Variants in CDKL1 observed in about 807,000 individuals in gnomAD.
CDKL1 encodes cyclin-dependent kinase-like 1.
CDKL1 carries 41 observed loss-of-function variants against 42.0 expected under a neutral mutation model. The observed-to-expected ratio is 0.98, with a 90% CI of 0.76 to 1.27. CDKL1 has a LOEUF of 1.27. Ranked by LOEUF, CDKL1 falls within the 50% of genes most tolerant of loss-of-function variation. The pLI is 0.00. For missense variants in CDKL1, 394 were observed against 428.4 expected (o/e 0.92, Z 0.71); for synonymous variants, 153 against 158.6 (o/e 0.96, Z 0.26).
At chr14:50,349,749 T>C (rs2033840721) in intron 3 of CDKL1, among the ~76,000 whole-genome samples, 1 of 151,780 alleles carries the variant, frequency 6.6e-6, no homozygotes, top group South Asian at 2.1e-4. Context: ...CTTTTTGTTG[T>C]TGTTGTTGTT....
intron 2 of CDKL1, among the ~76,000 whole-genome samples, chr14:50,369,283 G>A (rs2034521050): frequency 6.6e-6 from 1 of 152,090 alleles, no homozygotes; most frequent in South Asian, 2.1e-4. Flanking sequence ...AGCTAGGGCT[G>A]AGAGCAGCTG....
Position 50,341,158 on chromosome 14 carries a change from T to C in CDKL1, c.529A>G (p.Thr177Ala). Residue 177 changes from threonine (T) to alanine (A), a missense_variant, in exon 6 of 10, where the codon ACG becomes GCG. Thr to Ala is a moderately conservative substitution (Grantham distance 58). Transcript: ENST00000395834. ...ACATCCACCGGGGGGCCGTACTGCGTGTCCCCCACCAGCAGCTCAGGGGAG... is the reference window on the plus strand; with the variant it reads ...ACATCCACCGGGGGGCCGTACTGCGCGTCCCCCACCAGCAGCTCAGGGGAG... Reference protein sequence around the residue: ...YRSPELLVGDTQYGPPVDVWA... With the variant: ...YRSPELLVGDAQYGPPVDVWA... The C allele has an allele frequency of 6.2e-7, 1 of 1,614,204 alleles. No individual in the cohort carries two copies. The highest frequency in any genetic ancestry group is 8.5e-7 in the Non-Finnish European group (1 of 1,180,042).
Position 50,387,936 on chromosome 14 carries a change from G to T in CDKL1, c.168+7765C>A, listed in dbSNP as rs576334216. ...TTTTGAGACAGAGTCTTGCCCTGTC[G>T]CCCAGGCTGGAGCACAATGGCTCTA... On this transcript the variant is annotated intron_variant, in intron 2 of 9. Transcript: ENST00000395834. Among the ~76,000 whole-genome samples the T allele has an allele frequency of 5.3e-5, 8 of 152,190 alleles. No individual in the cohort carries two copies. In the East Asian group the frequency reaches 1.5e-3, roughly 29 times the overall value.
At chr14:50,337,685 T>C (rs2033354368) in intron 7 of CDKL1, among the ~76,000 whole-genome samples, 1 of 149,952 alleles carries the variant, frequency 6.7e-6, no homozygotes, top group Non-Finnish European at 1.5e-5. Context: ...TTCTTTCTTT[T>C]TTTTTTTTTT....
intron 7 of CDKL1, 200 bp from the exon 8 acceptor site, chr14:50,334,821 A>G: frequency 3.8e-6 from 2 of 530,590 alleles, no homozygotes; most frequent in South Asian, 5.1e-5. Context: ...CGCTTTTCCA[A>G]ATTTGCTTCG....
chr14:50,383,456 A>G (rs1022668568), intron 2 of CDKL1, among the ~76,000 whole-genome samples: 23 of 151,588 alleles, frequency 1.5e-4, no homozygotes, highest in Non-Finnish European at 3.2e-4. Flanking sequence ...AGGCTGAGAC[A>G]GGAGAATCGC....
chr14:50,357,888 G>C (rs984571759), intron 3 of CDKL1: 1 of 419,936 alleles, frequency 2.4e-6, no homozygotes, highest in Non-Finnish European at 4.5e-6. Context: ...ACCATATAAG[G>C]GAAGCTTATT....
At chr14:50,353,101 A>G (rs2033952382) in intron 3 of CDKL1, among the ~76,000 whole-genome samples, 1 of 152,222 alleles carries the variant, frequency 6.6e-6, no homozygotes, top group African/African-American at 2.4e-5. Flanking sequence ...CATTCTGTCT[A>G]AGGTTGCTTT....
intron 2 of CDKL1, among the ~76,000 whole-genome samples, chr14:50,392,049 G>A (rs928626232): frequency 4.6e-5 from 7 of 152,112 alleles, no homozygotes; most frequent in Admixed American, 1.3e-4. Flanking sequence ...TGTCAAGGTC[G>A]CCAAAGACCC....
chr14:50,350,829 G>C (rs1381028671), intron 3 of CDKL1, among the ~76,000 whole-genome samples: 1 of 152,182 alleles, frequency 6.6e-6, no homozygotes, highest in Non-Finnish European at 1.5e-5. Flanking sequence ...CTTCAGTTCA[G>C]TTGCCTTGTT....
upstream of CDKL1, chr14:50,397,247 C>A (rs1303698612): frequency 1.1e-5 from 15 of 1,366,488 alleles, no homozygotes; most frequent in African/African-American, 1.5e-5. Context: ...CCTTTGGTCC[C>A]TTGGAGGCAT....
chr14:50,395,845 C>G lies in CDKL1; in HGVS notation c.24G>C (p.Gly8=), dbSNP rs755441176. 3 of 1,611,972 alleles carry G rather than the reference C, an allele frequency of 1.9e-6. No individual in the cohort carries two copies. In the South Asian group the frequency reaches 3.3e-5, roughly 18 times the overall value. The part of the protein sequence containing the change: MEKYEKI[G]KIGEGSYGVV... ...CTCCATAGGATCCTTCTCCAATTTTCCCAATTTTTTCATACTTCTCCATCA... is the reference window on the plus strand; with the variant it reads ...CTCCATAGGATCCTTCTCCAATTTTGCCAATTTTTTCATACTTCTCCATCA... Residue 8 remains glycine (G), a synonymous_variant, in exon 2 of 10, where the codon GGG becomes GGC. Coordinates refer to ENST00000395834, the MANE Select transcript of CDKL1 (RefSeq NM_004196.7).
rs1302225018 is a variant in CDKL1 at position 50,326,698 on chromosome 14, A to G, written c.*3376T>C. On this transcript the variant is annotated 3_prime_UTR_variant, in exon 10 of 10. Coordinates refer to ENST00000395834, the MANE Select transcript of CDKL1 (RefSeq NM_004196.7). The stretch of plus-strand genomic sequence containing the variant: ...AGTTTTGCAGATTGCAATATAATAA[A>G]GGAAACAGTAAAAACTAGTGGGCTA... 1 of 985,334 alleles carries G rather than the reference A, an allele frequency of 1.0e-6. No individual in the cohort carries two copies. The highest frequency in any genetic ancestry group is 1.2e-6 in the Non-Finnish European group (1 of 829,934). 61.0% of individuals were successfully genotyped at this position (985,334 alleles called of 1,614,324 possible).
rs143270836 is a variant in CDKL1 at position 50,336,630 on chromosome 14, G to A, written c.739-2009C>T. ...AGAACTTCCATCTGAAAACTGAAGG[G>A]TTTAGTGAGAAACTGGAGGGTTAGT... On this transcript the variant is annotated intron_variant, in intron 7 of 9. Coordinates refer to ENST00000395834, the MANE Select transcript of CDKL1 (RefSeq NM_004196.7). Among the ~76,000 whole-genome samples the A allele has an allele frequency of 2.6e-5, 4 of 152,266 alleles. No homozygotes were observed. In the East Asian group the frequency reaches 5.8e-4, roughly 22 times the overall value.
At chr14:50,379,979 G>A (rs1373415835) in intron 2 of CDKL1, 1 of 389,166 alleles carries the variant, frequency 2.6e-6, no homozygotes, top group Non-Finnish European at 5.2e-6. Flanking sequence ...ATGCTACCAT[G>A]GCCTCAGGTT....
rs2032774992 is a variant in CDKL1 at position 50,327,975 on chromosome 14, A to G, written c.*2099T>C. The G allele has an allele frequency of 6.6e-6, 1 of 152,192 alleles. No homozygotes were observed. 9.4% of individuals were successfully genotyped at this position (152,192 alleles called of 1,614,324 possible). A position where few individuals can be genotyped will look rare whatever the true frequency, so the allele number is the denominator to read the frequency against. On this transcript the variant is annotated 3_prime_UTR_variant, in exon 10 of 10. Transcript: ENST00000395834. ...TCATGTGATACAGTGGAGATTTCAT[A>G]CCGAATAAAAGCATTATAAATATGG...
chr14:50,342,068 T>G, intron 5 of CDKL1, 64 bp downstream of exon 5: 1 of 1,243,084 alleles, frequency 8.0e-7, no homozygotes, highest in Non-Finnish European at 1.2e-6. Flanking sequence ...AGCATTTAGA[T>G]CCTTTGTTGT....
chr14:50,331,910 CATG>C (rs2032964278), intron 9 of CDKL1: 3 of 904,668 alleles, frequency 3.3e-6, no homozygotes, highest in African/African-American at 3.4e-5. Flanking sequence ...TAAAAGTGTA[CATG>C]ATGACACAGA....
At chr14:50,332,890 C>T in intron 8 of CDKL1, 1 of 369,488 alleles carries the variant, frequency 2.7e-6, no homozygotes, top group Non-Finnish European at 4.8e-6. Context: ...CTTCACCCTT[C>T]TAAAATCAGC....
Sources: gnomAD v4.1 joint callset for allele counts (sites outside exome capture counted in the v4.1 genomes callset) on GRCh38, gnomAD v4.1.1 for gene constraint, MANE v1.5 for transcripts, NCBI Gene and HGNC (gene_info 2026-07-23, HGNC 2026-07-21) for gene names.